The following ARSB variants were observed in gnomAD, a reference collection of about 807,000 sequenced individuals.
ARSB encodes arylsulfatase B.
In ARSB, 41 loss-of-function variants were observed where a neutral mutation model predicts 50.9. The ratio of observed to expected loss-of-function variants is 0.81; its 90% CI spans 0.63 to 1.04. The LOEUF (loss-of-function observed/expected upper bound fraction) is 1.04, where lower values mean the gene tolerates loss of function less well. ARSB is among the 50% of genes least tolerant of loss of function. ARSB has a pLI of 0.00. For synonymous variants in ARSB, 269 were observed against 284.8 expected (o/e 0.94, Z 0.56); for missense variants, 672 against 693.3 (o/e 0.97, Z 0.35).
intron 4 of ARSB, among the ~76,000 whole-genome samples, chr5:78,949,708 G>A (rs904742440): frequency 1.3e-5 from 2 of 152,146 alleles, no homozygotes; most frequent in African/African-American, 2.4e-5. Flanking sequence ...TCAGGAGTTC[G>A]AGACCAGTCT....
chr5:78,962,459 G>A (rs1029273446), intron 3 of ARSB, among the ~76,000 whole-genome samples: 2 of 151,316 alleles, frequency 1.3e-5, no homozygotes, highest in East Asian at 1.9e-4. Flanking sequence ...GAGAGTGATC[G>A]CCAAAAGTGG....
rs1243837612 is a variant in ARSB at position 78,870,386 on chromosome 5, CT to C, written c.1142+15197del. ...AAAAAGAGAATTTTAGACCAATATC[CT>C]TGATGAACATTGATGCAAAAATCCT... On this transcript the variant is annotated intron_variant, in intron 5 of 7. Transcript: ENST00000264914. Among the ~76,000 whole-genome samples the C allele has an allele frequency of 8.6e-4, 85 of 98,680 alleles. 2 individuals are homozygous for C. The East Asian group carries it at 0.017, about 19-fold the overall frequency. 64.7% of individuals were successfully genotyped at this position (98,680 alleles called of 152,430 possible).
In ARSB at chr5:78,878,457, A is replaced by G. The variant is rs534509971; in HGVS notation, c.1142+7127T>C. ...CAAGACAGAGCACAGTACTCATAAG[A>G]ACTTAAAACCTAAAATAGTGCCATA... On this transcript the variant is annotated intron_variant, in intron 5 of 7. Coordinates refer to ENST00000264914, the MANE Select transcript of ARSB (RefSeq NM_000046.5). 3.6e-3 allele frequency among the ~76,000 whole-genome samples: 553 copies of G among 152,364 alleles called. 2 individuals are homozygous for G. The highest frequency in any genetic ancestry group is 6.3e-3 in the Non-Finnish European group (427 of 68,034).
intron 4 of ARSB, among the ~76,000 whole-genome samples, chr5:78,886,832 T>C (rs1748060059): frequency 6.6e-6 from 1 of 152,182 alleles, no homozygotes; most frequent in African/African-American, 2.4e-5. Context: ...CCACCTGCTG[T>C]ATAGAATGTT....
intron 5 of ARSB, among the ~76,000 whole-genome samples, chr5:78,855,206 G>A (rs1746075362): frequency 6.6e-6 from 1 of 152,200 alleles, no homozygotes; most frequent in Non-Finnish European, 1.5e-5. Flanking sequence ...CTCAGCCAGG[G>A]TACAAATTCC....
intron 6 of ARSB, among the ~76,000 whole-genome samples, chr5:78,785,833 C>T (rs907928082): frequency 5.3e-5 from 8 of 152,042 alleles, no homozygotes; most frequent in East Asian, 3.9e-4. Context: ...TGGATGGGCC[C>T]GATCTAATGA....
intron 4 of ARSB, among the ~76,000 whole-genome samples, chr5:78,941,316 A>C (rs1580097323): frequency 1.3e-5 from 2 of 150,868 alleles, no homozygotes; most frequent in Admixed American, 6.6e-5. Context: ...AACTTCCAAC[A>C]CTATGTTGAA....
chr5:78,796,813 C>T (rs1743191671), intron 6 of ARSB, among the ~76,000 whole-genome samples: 1 of 151,888 alleles, frequency 6.6e-6, no homozygotes, highest in Non-Finnish European at 1.5e-5. Flanking sequence ...GCCACCATGC[C>T]CAGCTAATTT....
At position 78,985,241 on chromosome 5, in the gene ARSB, G is replaced by C; in HGVS notation, c.8C>G (p.Pro3Arg). Residue 3 changes from proline (P) to arginine (R), a missense_variant, in exon 1 of 8, where the codon CCG becomes CGG. Physicochemically the swap from Pro to Arg is moderately radical, Grantham distance 103. Coordinates refer to ENST00000264914, the MANE Select transcript of ARSB (RefSeq NM_000046.5). MG[P>R]RGAASLPRGP... The stretch of plus-strand genomic sequence containing the variant: ...TCGGGGCAAGCTCGCCGCGCCGCGC[G>C]GACCCATCCTTGTCCGCCCGCGGTC... 2 of 1,319,890 alleles carry C rather than the reference G, an allele frequency of 1.5e-6. No homozygotes were observed. Among genetic ancestry groups the C allele is most frequent in the Non-Finnish European group, 1.9e-6 (2 of 1,041,276 alleles). The allele number at this position is 1,319,890 out of a possible 1,614,324, so 81.8% of individuals were successfully genotyped here. A position where few individuals can be genotyped will look rare whatever the true frequency, so the allele number is the denominator to read the frequency against.
At chr5:78,982,643 AT>A (rs1752957326) in intron 1 of ARSB, among the ~76,000 whole-genome samples, 1 of 152,196 alleles carries the variant, frequency 6.6e-6, no homozygotes, top group Non-Finnish European at 1.5e-5. Flanking sequence ...CAGAACAGAG[AT>A]GATAGAGTTG....
chr5:78,888,146 A>C (rs1748121185), intron 4 of ARSB, among the ~76,000 whole-genome samples: 1 of 152,230 alleles, frequency 6.6e-6, no homozygotes, highest in Non-Finnish European at 1.5e-5. Flanking sequence ...TTGACATCAC[A>C]GACTTACAAG....
intron 2 of ARSB, among the ~76,000 whole-genome samples, chr5:78,968,418 G>A (rs1752304489): frequency 6.6e-6 from 1 of 150,954 alleles, no homozygotes; most frequent in Admixed American, 6.6e-5. Context: ...CATGATCTCG[G>A]CTCACTGCAA....
chr5:78,879,538 G>C (rs1747645349), intron 5 of ARSB, among the ~76,000 whole-genome samples: 1 of 152,180 alleles, frequency 6.6e-6, no homozygotes, highest in Non-Finnish European at 1.5e-5. Flanking sequence ...ACAGACAACT[G>C]TTTTTCATCC....
At chr5:78,984,440 G>A (rs900496274) in intron 1 of ARSB, among the ~76,000 whole-genome samples, 1 of 152,128 alleles carries the variant, frequency 6.6e-6, no homozygotes, top group East Asian at 1.9e-4. Context: ...TCATTCCAGG[G>A]GTGTTGAGAA....
At chr5:78,809,998 AC>A (rs1158458681) in intron 6 of ARSB, among the ~76,000 whole-genome samples, 1 of 152,162 alleles carries the variant, frequency 6.6e-6, no homozygotes, top group Non-Finnish European at 1.5e-5. Flanking sequence ...TGTGGTGGGC[AC>A]CCCACTAGAC....
upstream of ARSB, chr5:78,985,826 C>G (rs1199331417): frequency 1.3e-5 from 2 of 152,234 alleles, no homozygotes; most frequent in African/African-American, 4.8e-5. Context: ...AATAGCCTTT[C>G]ACATTCATTT....
intron 6 of ARSB, among the ~76,000 whole-genome samples, chr5:78,788,044 G>T (rs1011681461): frequency 6.6e-6 from 1 of 152,222 alleles, no homozygotes; most frequent in Non-Finnish European, 1.5e-5. Context: ...GAAGCCAAGA[G>T]AGCAGAGGGT....
At chr5:78,941,547 T>A (rs1481229639) in intron 4 of ARSB, among the ~76,000 whole-genome samples, 1 of 152,224 alleles carries the variant, frequency 6.6e-6, no homozygotes, top group Non-Finnish European at 1.5e-5. Context: ...AATCATGTGG[T>A]TTTTGTCTTT....
At chr5:78,911,479 C>T (rs1749302702) in intron 4 of ARSB, among the ~76,000 whole-genome samples, 1 of 146,506 alleles carries the variant, frequency 6.8e-6, no homozygotes, top group African/African-American at 2.6e-5. Context: ...GAGGCTGAGG[C>T]ACTAGAATCG....
Sources: allele counts gnomAD v4.1 joint callset (sites outside exome capture counted in the v4.1 genomes callset), GRCh38; gene constraint gnomAD v4.1.1; transcripts MANE v1.5; gene names NCBI Gene and HGNC (gene_info 2026-07-23, HGNC 2026-07-21).